The following SERPINC1 variants were observed in gnomAD, a reference collection of about 807,000 sequenced individuals.
SERPINC1 encodes the protein antithrombin-III.
Under a neutral mutation model 43.4 loss-of-function variants are expected in SERPINC1, and 12 were observed. That is an observed-to-expected ratio of 0.28 (90% CI 0.18 to 0.45). SERPINC1 has a LOEUF of 0.45. SERPINC1 is among the 20% of genes least tolerant of loss of function. The pLI is 1.00. For synonymous variants in SERPINC1, 210 were observed against 218.9 expected (o/e 0.96, Z 0.36); for missense variants, 423 against 578.8 (o/e 0.73, Z 2.76).
intron 1 of SERPINC1, among the ~76,000 whole-genome samples, chr1:173,915,689 A>G (rs1476149169): frequency 6.6e-6 from 1 of 152,000 alleles, no homozygotes; most frequent in Admixed American, 6.5e-5. Flanking sequence ...AACAGCAACA[A>G]CAAACAAACA....
chr1:173,907,337 G>T, intron 6 of SERPINC1, 113 bp downstream of exon 6: 1 of 826,478 alleles, frequency 1.2e-6, no homozygotes, highest in South Asian at 1.3e-5. Flanking sequence ...ATTATAGCAG[G>T]CCTGTGGAGG....
chr1:173,915,226 T>C, intron 1 of SERPINC1: 1 of 1,260,418 alleles, frequency 7.9e-7, no homozygotes, highest in South Asian at 1.7e-5. Flanking sequence ...GTTTGTGACA[T>C]GGAATGTGCA....
chr1:173,911,972 T>A lies in SERPINC1; in HGVS notation c.451A>T (p.Ile151Phe). Residue 151 changes from isoleucine (I) to phenylalanine (F), a missense_variant, in exon 3 of 7, where the codon ATC becomes TTC. Transcript: ENST00000367698. The stretch of plus-strand genomic sequence containing the variant: ...TTCAGTTTGGCAAAGAAGAAGTGGA[T>A]CTGATCAGATGTTTTCTCAGATATG... ...DTISEKTSDQ[I>F]HFFFAKLNCR... is the part of the protein sequence containing the mutation. 2 of 1,614,104 alleles carry A rather than the reference T, an allele frequency of 1.2e-6. No individual in the cohort carries two copies. Among genetic ancestry groups the A allele is most frequent in the Non-Finnish European group, 1.7e-6 (2 of 1,180,018 alleles).
chr1:173,908,807 A>AC (rs1028378978), intron 5 of SERPINC1, among the ~76,000 whole-genome samples: 12 of 152,028 alleles, frequency 7.9e-5, no homozygotes, highest in African/African-American at 2.7e-4. Context: ...CGATCCTCCC[A>AC]CCTCAGCCTC....
At position 173,910,851 on chromosome 1, in the gene SERPINC1, A is replaced by G; in HGVS notation, c.665T>C (p.Val222Ala). 1 of 1,614,146 alleles carries G rather than the reference A, an allele frequency of 6.2e-7. No homozygotes were observed. Among genetic ancestry groups the G allele is most frequent in the African/African-American group, 1.3e-5 (1 of 75,050 alleles). Residue 222 changes from valine (V) to alanine (A), a missense_variant, in exon 4 of 7, where the codon GTG becomes GCG. Coordinates refer to ENST00000367698, the MANE Select transcript of SERPINC1 (RefSeq NM_000488.4). ...GATTCGGCCTTCGGTCTTATTGGACACCCATTTGTTGATGGCCGCTCTGGA... is the reference window on the plus strand; with the variant it reads ...GATTCGGCCTTCGGTCTTATTGGACGCCCATTTGTTGATGGCCGCTCTGGA... ...EQSRAAINKWVSNKTEGRITD... is the reference protein window; with the variant it reads ...EQSRAAINKWASNKTEGRITD...
Position 173,904,112 on chromosome 1 carries a change from C to T in SERPINC1, c.1219-47G>A, listed in dbSNP as rs145928805. 86 of 1,577,796 alleles carry T rather than the reference C, an allele frequency of 5.5e-5. 2 individuals are homozygous for T. In the African/African-American group the frequency reaches 7.3e-4, roughly 13 times the overall value. On this transcript the variant is annotated intron_variant, in intron 6 of 6. Transcript: ENST00000367698. ...AAACTAAATTAGCCACTCTGCCGTT[C>T]ATTTTTGGCAGGTAAATCATCCACA...
At chr1:173,913,372 G>A (rs1657850992) in intron 2 of SERPINC1, among the ~76,000 whole-genome samples, 1 of 152,210 alleles carries the variant, frequency 6.6e-6, no homozygotes, top group Admixed American at 6.5e-5. Flanking sequence ...GTGGGGGGAA[G>A]GGGGTGGGAA....
intron 6 of SERPINC1, among the ~76,000 whole-genome samples, chr1:173,904,662 A>ACTC (rs1450941459): frequency 6.6e-6 from 1 of 151,638 alleles, no homozygotes; most frequent in Admixed American, 6.6e-5. Flanking sequence ...TATCACTAAA[A>ACTC]CTCTGTTTCT....
chr1:173,914,886 G>A lies in SERPINC1; in HGVS notation c.75C>T (p.Gly25=). ...KVYLLSLLLI[G]FWDCVTCHGS... is the part of the protein sequence containing the mutation. ...CGTGACAGGTCACGCAGTCCCAGAA[G>A]CCAATGAGCAGCAAGGACAAAAGAT... The change falls in exon 2 of 7, where the codon GGC becomes GGT. Residue 25 remains glycine, a synonymous_variant. Coordinates refer to ENST00000367698, the MANE Select transcript of SERPINC1 (RefSeq NM_000488.4). 6.2e-7 allele frequency: 1 copy of A among 1,614,160 alleles called. No homozygotes were observed. Among genetic ancestry groups the A allele is most frequent in the Non-Finnish European group, 8.5e-7 (1 of 1,180,038 alleles).
rs1657907168 is a variant in SERPINC1 at position 173,914,566 on chromosome 1, T to C, written c.395A>G (p.Gln132Arg). The C allele has an allele frequency of 1.2e-6, 2 of 1,614,162 alleles. No individual in the cohort carries two copies. The highest frequency in any genetic ancestry group is 8.5e-7 in the Non-Finnish European group (1 of 1,180,038). The change falls in exon 2 of 7, where the codon CAG (glutamine) becomes CGG (arginine). Residue 132 changes from glutamine to arginine, a missense_variant. Physicochemically the swap from Gln to Arg is conservative, Grantham distance 43 (BLOSUM62 1). Transcript: ENST00000367698. Reference protein sequence around the residue: ...TKLGACNDTLQQLMEVFKFDT... With the variant: ...TKLGACNDTLRQLMEVFKFDT... ...CTTTGGTCGTACCTCCATCAGTTGCTGGAGGGTGTCATTACAGGCACCCAG... is the reference window on the plus strand; with the variant it reads ...CTTTGGTCGTACCTCCATCAGTTGCCGGAGGGTGTCATTACAGGCACCCAG...
chr1:173,904,082 A>AAAT lies in SERPINC1; in HGVS notation c.1219-20_1219-18dup. The AAAT allele has an allele frequency of 6.2e-7, 1 of 1,613,078 alleles. No homozygotes were observed. Among genetic ancestry groups the AAAT allele is most frequent in the Non-Finnish European group, 8.5e-7 (1 of 1,179,036 alleles). On this transcript the variant is annotated splice_polypyrimidine_tract_variant and intron_variant, in intron 6 of 6. Coordinates refer to ENST00000367698, the MANE Select transcript of SERPINC1 (RefSeq NM_000488.4). ...TTCATTTACCTGCAGGTCACATGGG[A>AAAT]AATAAAACTAAATTAGCCACTCTGC...
Position 173,913,905 on chromosome 1 carries a change from C to A in SERPINC1, c.408+648G>T, listed in dbSNP as rs946689663. Among the ~76,000 whole-genome samples the A allele has an allele frequency of 7.2e-5, 11 of 151,920 alleles. 1 individual carries two copies. Among genetic ancestry groups the A allele is most frequent in the African/African-American group, 2.7e-4 (11 of 41,342 alleles). ...ACCAGTCTGGCCACGTGGTGAAACCCCATCTCTACTAAAAATATAGAAATT... is the reference window on the plus strand; with the variant it reads ...ACCAGTCTGGCCACGTGGTGAAACCACATCTCTACTAAAAATATAGAAATT... On this transcript the variant is annotated intron_variant, in intron 2 of 6. Transcript: ENST00000367698.
At chr1:173,906,372 GTCT>G (rs1657511669) in intron 6 of SERPINC1, among the ~76,000 whole-genome samples, 1 of 152,238 alleles carries the variant, frequency 6.6e-6, no homozygotes, top group Non-Finnish European at 1.5e-5. Flanking sequence ...ATATTCAACC[GTCT>G]TCTTTACTGT....
At chr1:173,914,258 G>A (rs1048881422) in intron 2 of SERPINC1, among the ~76,000 whole-genome samples, 2 of 152,130 alleles carry the variant, frequency 1.3e-5, no homozygotes, top group Non-Finnish European at 2.9e-5. Context: ...TAAACATATA[G>A]ATGAAAGAAT....
chr1:173,904,483 A>C (rs1386440502), intron 6 of SERPINC1, among the ~76,000 whole-genome samples: 2 of 152,072 alleles, frequency 1.3e-5, no homozygotes, highest in African/African-American at 4.8e-5. Flanking sequence ...AGATACAGCT[A>C]CTCCAAAGAG....
Position 173,911,041 on chromosome 1 carries a change from C to T in SERPINC1, c.625-150G>A, listed in dbSNP as rs1657751492. 1.3e-5 allele frequency: 10 copies of T among 771,012 alleles called. No individual in the cohort carries two copies. The East Asian group carries it at 2.5e-4, about 19-fold the overall frequency. 47.8% of individuals were successfully genotyped at this position (771,012 alleles called of 1,614,324 possible). On this transcript the variant is annotated intron_variant, in intron 3 of 6. Coordinates refer to ENST00000367698, the MANE Select transcript of SERPINC1 (RefSeq NM_000488.4). ...TTGCTCTAACCCAAATTGGGGAAGC[C>T]TCACATATCTAATATAGTTCCATGA...
At position 173,916,232 on chromosome 1, in the gene SERPINC1, T is replaced by C. The variant is rs61827937; in HGVS notation, c.41+987A>G. Among the ~76,000 whole-genome samples the C allele has an allele frequency of 1.3e-3, 193 of 152,322 alleles. 1 individual carries two copies. The highest frequency in any genetic ancestry group is 2.3e-3 in the Non-Finnish European group (158 of 68,030). On this transcript the variant is annotated intron_variant, in intron 1 of 6. Coordinates refer to ENST00000367698, the MANE Select transcript of SERPINC1 (RefSeq NM_000488.4). ...AGATAAGACAGGGTGGGGCAGGGGC[T>C]GCCTCCAGCTGGTTTATGGTTCCTG... is the stretch of plus-strand genomic sequence containing the variant.
chr1:173,905,722 A>G (rs2227614), intron 6 of SERPINC1, among the ~76,000 whole-genome samples: 2,212 of 134,240 alleles, frequency 0.016, 66 homozygotes, highest in African/African-American at 0.08. Context: ...CTCCATTTCA[A>G]TGAAAAAAAA....
intron 6 of SERPINC1, 48 bp downstream of exon 6, chr1:173,907,402 C>G (rs776344892): frequency 7.0e-6 from 10 of 1,428,800 alleles, no homozygotes; most frequent in African/African-American, 1.4e-5. Flanking sequence ...TCCTGCTGTT[C>G]ATGCATCTCC....
Sources: gnomAD v4.1 joint callset for allele counts (sites outside exome capture counted in the v4.1 genomes callset) on GRCh38, gnomAD v4.1.1 for gene constraint, MANE v1.5 for transcripts, NCBI Gene and HGNC (gene_info 2026-07-23, HGNC 2026-07-21) for gene names.